Variants in WDR75 observed in about 807,000 individuals in gnomAD.
The protein encoded by WDR75 is WD repeat-containing protein 75.
In WDR75, 52 loss-of-function variants were observed where a neutral mutation model predicts 106.1. The observed-to-expected ratio is 0.49, with a 90% CI of 0.39 to 0.62. The LOEUF (loss-of-function observed/expected upper bound fraction) is 0.62. Among genes scored for constraint, WDR75 ranks in the 20% least tolerant of loss-of-function variants. The pLI, the probability that WDR75 is intolerant of heterozygous loss-of-function variation, is 0.00. For missense variants in WDR75, 905 were observed against 970.3 expected (o/e 0.93, Z 0.89); for synonymous variants, 333 against 335.5 (o/e 0.99, Z 0.08).
At chr2:189,461,725 C>G (rs562340073) in intron 8 of WDR75, among the ~76,000 whole-genome samples, 6 of 152,178 alleles carry the variant, frequency 3.9e-5, no homozygotes, top group Admixed American at 6.5e-5. Flanking sequence ...TCTTTCCAAT[C>G]CTTAAGCCTT....
At position 189,469,109 on chromosome 2, in the gene WDR75, C is replaced by T. The variant is rs1240841374; in HGVS notation, c.1724-235C>T. Among the ~76,000 whole-genome samples, 2 of 152,150 alleles carry T rather than the reference C, an allele frequency of 1.3e-5. 1 individual carries two copies. The highest frequency in any genetic ancestry group is 6.3e-3 in the Middle Eastern group (2 of 316). The stretch of plus-strand genomic sequence containing the variant: ...TTAGCAGCATCAGAAAAGCACTAGA[C>T]ATAAATTTCAATGAAATAATAATCT... On this transcript the variant is annotated intron_variant, in intron 15 of 20. Coordinates refer to ENST00000314761, the MANE Select transcript of WDR75 (RefSeq NM_032168.3).
At chr2:189,462,757 G>A (rs1483843209) in intron 9 of WDR75, 115 bp downstream of exon 9, 4 of 991,428 alleles carry the variant, frequency 4.0e-6, no homozygotes, top group Non-Finnish European at 5.7e-6. Flanking sequence ...GAGATTTAAT[G>A]AGCCTTCTTT....
At chr2:189,457,496 G>A (rs1392765426) in intron 6 of WDR75, 115 bp downstream of exon 6, 1 of 664,466 alleles carries the variant, frequency 1.5e-6, no homozygotes, top group Admixed American at 2.9e-5. Flanking sequence ...GCAAGAGAGT[G>A]TAAGACTGTG....
intron 15 of WDR75, 41 bp from the exon 16 acceptor site, chr2:189,469,303 A>G (rs764549275): frequency 2.0e-6 from 3 of 1,519,392 alleles, no homozygotes; most frequent in East Asian, 2.3e-5. Context: ...CTTTTGGTAA[A>G]TCTTTCCTTA....
At chr2:189,450,991 T>G in intron 3 of WDR75, 23 bp downstream of exon 3, 1 of 1,582,044 alleles carries the variant, frequency 6.3e-7, no homozygotes, top group Non-Finnish European at 8.5e-7. Flanking sequence ...ATCTTTACTT[T>G]TCGTTATGTG....
chr2:189,455,687 A>G (rs1686720230), intron 5 of WDR75: 2 of 301,368 alleles, frequency 6.6e-6, no homozygotes, highest in Non-Finnish European at 1.2e-5. Context: ...ATGTGTCTTT[A>G]GAAATTATGG....
chr2:189,458,065 A>T (rs1305488831), intron 6 of WDR75, among the ~76,000 whole-genome samples: 1 of 151,382 alleles, frequency 6.6e-6, no homozygotes, highest in Non-Finnish European at 1.5e-5. Context: ...CTGGGACTAT[A>T]GGCGTCTGCC....
chr2:189,470,146 G>C lies in WDR75; in HGVS notation c.1890G>C (p.Gln630His). The C allele has an allele frequency of 1.2e-6, 2 of 1,613,668 alleles. No individual in the cohort carries two copies. The highest frequency in any genetic ancestry group is 2.2e-5 in the South Asian group (2 of 91,050). Residue 630 changes from glutamine (Q) to histidine (H), a missense_variant, in exon 17 of 21, where the codon CAG (glutamine) becomes CAC (histidine). Coordinates refer to ENST00000314761, the MANE Select transcript of WDR75 (RefSeq NM_032168.3). ...IQKGISREKV[Q>H]WGVFVPRDVP... Reference sequence around the variant, plus strand: ...AGGGTATCTCCAGAGAGAAAGTCCAGTGGGGAGTGTTTGTTCCACGAGATG... The same window carrying C: ...AGGGTATCTCCAGAGAGAAAGTCCACTGGGGAGTGTTTGTTCCACGAGATG...
rs142219476 is a variant in WDR75, at chr2:189,468,494, T to C, written c.1648T>C (p.Leu550=). ...ATCTAGGCACCTTTGCTTTGGGAGA[T>C]TGACGTGTTCAAAGTATCTACTTGG... is the stretch of plus-strand genomic sequence containing the variant. ...GKIRHLCFGR[L]TCSKYLLGAT... The change falls in exon 15 of 21, where the codon TTG becomes CTG. Residue 550 remains leucine, a synonymous_variant. Coordinates refer to ENST00000314761, the MANE Select transcript of WDR75 (RefSeq NM_032168.3). 2.4e-5 allele frequency: 38 copies of C among 1,613,380 alleles called. No individual in the cohort carries two copies. The East Asian group carries it at 7.6e-4, about 32-fold the overall frequency.
At chr2:189,441,887 C>G (rs930090417) in intron 1 of WDR75, among the ~76,000 whole-genome samples, 2 of 152,154 alleles carry the variant, frequency 1.3e-5, no homozygotes, top group Admixed American at 6.5e-5. Context: ...ATGTGTATGC[C>G]ACTACCTTTG....
At chr2:189,473,787 A>T (rs750142245) in intron 18 of WDR75, among the ~76,000 whole-genome samples, 3 of 152,132 alleles carry the variant, frequency 2.0e-5, no homozygotes, top group Admixed American at 1.3e-4. Context: ...GCCAGCTTAG[A>T]ATTGTGCTTT....
rs1266441232 is a variant in WDR75 at position 189,458,832 on chromosome 2, T to G, written c.649T>G (p.Cys217Gly). ...TGTAGCATGTCACCCAACGGAAGAC[T>G]GCATCGCATCTGGTCACATGGATGG... is the stretch of plus-strand genomic sequence containing the variant. ...TCVACHPTED[C>G]IASGHMDGKI... Residue 217 changes from cysteine to glycine, a missense_variant, in exon 7 of 21, where the codon TGC (cysteine) becomes GGC (glycine). Physicochemically the swap from Cys to Gly is radical, Grantham distance 159 (BLOSUM62 -3). Coordinates refer to ENST00000314761, the MANE Select transcript of WDR75 (RefSeq NM_032168.3). 6.2e-7 allele frequency: 1 copy of G among 1,608,786 alleles called. No homozygotes were observed.
At chr2:189,470,477 C>G (rs887213760) in intron 17 of WDR75, among the ~76,000 whole-genome samples, 4 of 151,600 alleles carry the variant, frequency 2.6e-5, no homozygotes, top group Non-Finnish European at 5.9e-5. Flanking sequence ...TCTGTGACAG[C>G]AAAAAAGCAG....
chr2:189,452,325 C>T (rs146118251), intron 4 of WDR75, among the ~76,000 whole-genome samples: 2 of 152,052 alleles, frequency 1.3e-5, no homozygotes, highest in Non-Finnish European at 2.9e-5. Context: ...TATGGGAGGC[C>T]GAGGTGGGCA....
At chr2:189,454,923 C>T (rs182892121) in intron 4 of WDR75, among the ~76,000 whole-genome samples, 25 of 152,208 alleles carry the variant, frequency 1.6e-4, no homozygotes, top group African/African-American at 5.8e-4. Flanking sequence ...TATTATCTTG[C>T]ATCAAATAAA....
At chr2:189,444,781 C>T (rs1399159613) in intron 1 of WDR75, among the ~76,000 whole-genome samples, 1 of 152,160 alleles carries the variant, frequency 6.6e-6, no homozygotes, top group Non-Finnish European at 1.5e-5. Flanking sequence ...CTCAACTCTT[C>T]CTACCCAACT....
At chr2:189,451,118 T>G in intron 3 of WDR75, 150 bp downstream of exon 3, 1 of 1,099,114 alleles carries the variant, frequency 9.1e-7, no homozygotes, top group Non-Finnish European at 1.2e-6. Flanking sequence ...TTTGACTATA[T>G]AAAAATTTTC....
intron 1 of WDR75, among the ~76,000 whole-genome samples, chr2:189,444,227 C>G (rs1206679122): frequency 6.6e-6 from 1 of 152,012 alleles, no homozygotes; most frequent in African/African-American, 2.4e-5. Flanking sequence ...CTGCCTTATA[C>G]AAAGAGGAAT....
At position 189,456,967 on chromosome 2, in the gene WDR75, C is replaced by T. The variant is rs573917585; in HGVS notation, c.499-344C>T. ...TCTTTTTAAACAGTGTTGGGCCGGG[C>T]GCAGTGGCTCACTCCTGTAATCCCA... On this transcript the variant is annotated intron_variant, in intron 5 of 20. Transcript: ENST00000314761. Among the ~76,000 whole-genome samples the T allele has an allele frequency of 5.3e-5, 8 of 152,166 alleles. No individual in the cohort carries two copies. In the East Asian group the frequency reaches 1.4e-3, roughly 26 times the overall value.
Sources: allele counts gnomAD v4.1 joint callset (sites outside exome capture counted in the v4.1 genomes callset), GRCh38; gene constraint gnomAD v4.1.1; transcripts MANE v1.5; gene names NCBI Gene and HGNC (gene_info 2026-07-23, HGNC 2026-07-21).